LRP1B: variants seen among roughly 807,000 people sequenced by gnomAD.
The protein encoded by LRP1B is LDL receptor related protein 1B.
A neutral mutation model predicts 556.6 loss-of-function variants in LRP1B; 217 were observed. That is an observed-to-expected ratio of 0.39 (90% CI 0.35 to 0.44). The LOEUF is 0.44. LRP1B is among the 20% of genes least tolerant of loss of function. The probability of loss-of-function intolerance (pLI) is 1.00; values close to 1 mark genes in which losing one functional copy is unlikely to be tolerated. For synonymous variants in LRP1B, 2,047 were observed against 1,865.8 expected, an observed-to-expected ratio of 1.10 and a Z score of -2.50; for missense variants, 5,053 against 5,620.8, an observed-to-expected ratio of 0.90 and a Z score of 3.23.
At chr2:141,539,930 T>C (rs2105207364) in intron 2 of LRP1B, among the ~76,000 whole-genome samples, 1 of 152,272 alleles carries the variant, frequency 6.6e-6, no homozygotes, top group East Asian at 1.9e-4. Flanking sequence ...CGTCCTAGGT[T>C]AGGCAAATGC....
At chr2:140,630,947 T>G (rs1169905632) in intron 41 of LRP1B, among the ~76,000 whole-genome samples, 3 of 152,040 alleles carry the variant, frequency 2.0e-5, no homozygotes, top group Admixed American at 6.6e-5. Flanking sequence ...TACTTTACAT[T>G]CCCCCAAACC....
chr2:141,523,510 TAAGA>T (rs141619219), intron 2 of LRP1B, among the ~76,000 whole-genome samples: 2,067 of 152,200 alleles, frequency 0.014, 51 homozygotes, highest in African/African-American at 0.046. Flanking sequence ...CAACACTTCA[TAAGA>T]AATAATAAAT....
intron 25 of LRP1B, among the ~76,000 whole-genome samples, chr2:140,882,389 T>C (rs1338169667): frequency 6.6e-6 from 1 of 152,094 alleles, no homozygotes; most frequent in Admixed American, 6.6e-5. Context: ...ATGGGTGAAA[T>C]AGGTAAAACG....
chr2:141,611,000 C>T (rs1688089069), intron 2 of LRP1B, among the ~76,000 whole-genome samples: 1 of 152,104 alleles, frequency 6.6e-6, no homozygotes, highest in African/African-American at 2.4e-5. Flanking sequence ...CTGAAAGCCC[C>T]CTGAGAGATG....
intron 7 of LRP1B, among the ~76,000 whole-genome samples, chr2:141,070,557 A>T (rs933301966): frequency 4.6e-5 from 7 of 152,130 alleles, no homozygotes; most frequent in African/African-American, 1.7e-4. Flanking sequence ...AAAATTAATG[A>T]ATCCAGGAGC....
chr2:141,937,057 C>G (rs1273706439), intron 1 of LRP1B, among the ~76,000 whole-genome samples: 1 of 146,722 alleles, frequency 6.8e-6, no homozygotes, highest in Non-Finnish European at 1.5e-5. Flanking sequence ...TAAAAAGTAA[C>G]CTTAAAGTAA....
At chr2:141,804,651 A>G (rs753017548) in intron 2 of LRP1B, among the ~76,000 whole-genome samples, 1 of 151,980 alleles carries the variant, frequency 6.6e-6, no homozygotes, top group Non-Finnish European at 1.5e-5. Flanking sequence ...GGGCAGTTAG[A>G]TTGTGTATCA....
At chr2:140,657,121 T>C (rs1684906411) in intron 41 of LRP1B, among the ~76,000 whole-genome samples, 1 of 152,120 alleles carries the variant, frequency 6.6e-6, no homozygotes, top group Admixed American at 6.6e-5. Flanking sequence ...CAATGTGATA[T>C]ATACATGAGT....
chr2:141,714,150 T>C (rs977162616), intron 2 of LRP1B, among the ~76,000 whole-genome samples: 5 of 152,308 alleles, frequency 3.3e-5, no homozygotes, highest in African/African-American at 1.2e-4. Context: ...GGTTAAGAAG[T>C]AGACTGAAAG....
chr2:140,309,788 T>G (rs1397041230), intron 83 of LRP1B, among the ~76,000 whole-genome samples: 1 of 151,832 alleles, frequency 6.6e-6, no homozygotes, highest in Admixed American at 6.6e-5. Context: ...TTTATACAGA[T>G]ATTTTATGTA....
intron 1 of LRP1B, among the ~76,000 whole-genome samples, chr2:142,024,741 C>G (rs1414124490): frequency 6.6e-6 from 1 of 150,380 alleles, no homozygotes; most frequent in South Asian, 2.1e-4. Context: ...TAGGCTTTTA[C>G]AGCTGCTCTA....
At chr2:141,315,354 G>C (rs866937922) in intron 3 of LRP1B, among the ~76,000 whole-genome samples, 19 of 142,492 alleles carry the variant, frequency 1.3e-4, no homozygotes, top group African/African-American at 4.6e-4. Flanking sequence ...CTGCCTCTCG[G>C]GTTCATCCCA....
intron 43 of LRP1B, among the ~76,000 whole-genome samples, chr2:140,553,277 T>G (rs1000164547): frequency 6.6e-6 from 1 of 151,888 alleles, no homozygotes; most frequent in African/African-American, 2.4e-5. Context: ...TAATATAAAA[T>G]AGATTATTAT....
chr2:141,330,821 C>G (rs920127432), intron 3 of LRP1B, among the ~76,000 whole-genome samples: 13 of 148,836 alleles, frequency 8.7e-5, no homozygotes, highest in Non-Finnish European at 1.9e-4. Context: ...GGTGCCATCT[C>G]GGCTCACTGC....
chr2:141,219,773 C>A (rs1195908215), intron 6 of LRP1B, among the ~76,000 whole-genome samples: 24 of 152,222 alleles, frequency 1.6e-4, no homozygotes, highest in Admixed American at 6.5e-5. Context: ...ACTGGTGATA[C>A]CTCTAGTTGC....
intron 43 of LRP1B, among the ~76,000 whole-genome samples, chr2:140,579,788 A>G (rs1169914490): frequency 6.6e-6 from 1 of 152,132 alleles, no homozygotes; most frequent in African/African-American, 2.4e-5. Context: ...GTTGCAGTGA[A>G]CCGAGATCGC....
chr2:140,694,275 AT>A (rs966675027), intron 41 of LRP1B, among the ~76,000 whole-genome samples: 31 of 152,100 alleles, frequency 2.0e-4, no homozygotes, highest in Admixed American at 7.2e-4. Context: ...ATTACTTTAT[AT>A]TTTTTTAATT....
chr2:140,764,161 C>T (rs575172430), intron 35 of LRP1B, among the ~76,000 whole-genome samples: 237 of 151,916 alleles, frequency 1.6e-3, no homozygotes, highest in African/African-American at 5.5e-3. Context: ...AGCTTCCAGG[C>T]ATAGAAAATA....
intron 7 of LRP1B, among the ~76,000 whole-genome samples, chr2:141,141,371 C>G (rs1420818070): frequency 6.6e-6 from 1 of 151,876 alleles, no homozygotes; most frequent in African/African-American, 2.4e-5. Flanking sequence ...TTTTATGTGT[C>G]AAATCAATTG....
Sources: gnomAD v4.1 joint callset for allele counts (sites outside exome capture counted in the v4.1 genomes callset) on GRCh38, gnomAD v4.1.1 for gene constraint, MANE v1.5 for transcripts, NCBI Gene and HGNC (gene_info 2026-07-23, HGNC 2026-07-21) for gene names.